Variants in SCN10A observed in about 807,000 individuals in gnomAD.
The protein encoded by SCN10A is sodium channel protein type 10 subunit alpha.
SCN10A carries 162 observed loss-of-function variants against 170.7 expected under a neutral mutation model. The observed-to-expected ratio is 0.95, with a 90% CI of 0.84 to 1.08. SCN10A has a LOEUF of 1.08. Ranked by LOEUF, SCN10A falls within the 50% of genes least tolerant of loss-of-function variation. The pLI is 0.00. For missense variants in SCN10A, 2,527 were observed against 2,436.9 expected, an observed-to-expected ratio of 1.04 and a Z score of -0.78; for synonymous variants, 985 against 904.6, an observed-to-expected ratio of 1.09 and a Z score of -1.59.
At chr3:38,797,833 C>G (rs1463167405) in intron 1 of SCN10A, among the ~76,000 whole-genome samples, 1 of 152,210 alleles carries the variant, frequency 6.6e-6, no homozygotes, top group Non-Finnish European at 1.5e-5. Flanking sequence ...GAGGTCAAAG[C>G]AGACTCAGCT....
chr3:38,734,852 A>T (rs985552352), intron 15 of SCN10A, among the ~76,000 whole-genome samples: 2 of 152,206 alleles, frequency 1.3e-5, no homozygotes, highest in African/African-American at 4.8e-5. Flanking sequence ...TAGTAAAAAG[A>T]ACCTAATGGC....
At position 38,789,155 on chromosome 3, in the gene SCN10A, T is replaced by C. The variant is rs1575180493; in HGVS notation, c.390-119A>G. ...CTTAGCCAATATTAGCTTTATGATCTTGTCACATAATAACCACTAACATTT... is the reference window on the plus strand; with the variant it reads ...CTTAGCCAATATTAGCTTTATGATCCTGTCACATAATAACCACTAACATTT... On this transcript the variant is annotated intron_variant, in intron 3 of 27. Transcript: ENST00000449082. 3 of 684,054 alleles carry C rather than the reference T, an allele frequency of 4.4e-6. No individual in the cohort carries two copies. The East Asian group carries it at 8.1e-5, about 18-fold the overall frequency. 42.4% of individuals were successfully genotyped at this position (684,054 alleles called of 1,614,324 possible).
At chr3:38,773,572 G>A (rs1257725067) in intron 4 of SCN10A, among the ~76,000 whole-genome samples, 1 of 152,036 alleles carries the variant, frequency 6.6e-6, no homozygotes, top group Non-Finnish European at 1.5e-5. Flanking sequence ...GAAGAGTTTG[G>A]GAACAAATTA....
chr3:38,754,554 C>A (rs779958907), intron 11 of SCN10A, among the ~76,000 whole-genome samples: 2 of 152,176 alleles, frequency 1.3e-5, no homozygotes, highest in African/African-American at 2.4e-5. Context: ...GAAATTAAAG[C>A]CCAATTCAGT....
At chr3:38,785,035 A>G (rs1402754418) in intron 4 of SCN10A, among the ~76,000 whole-genome samples, 1 of 152,222 alleles carries the variant, frequency 6.6e-6, no homozygotes, top group Non-Finnish European at 1.5e-5. Flanking sequence ...AAAAATCAAT[A>G]TTGTGAAAAT....
intron 7 of SCN10A, 131 bp from the exon 8 acceptor site, chr3:38,760,878 C>G (rs1315872123): frequency 1.4e-6 from 1 of 710,912 alleles, no homozygotes; most frequent in Non-Finnish European, 2.4e-6. Flanking sequence ...AGTGGGCATG[C>G]TGGGCCACAT....
intron 13 of SCN10A, among the ~76,000 whole-genome samples, chr3:38,744,784 C>T (rs1252849134): frequency 1.3e-5 from 2 of 151,908 alleles, no homozygotes; most frequent in African/African-American, 4.8e-5. Flanking sequence ...TTCATTTTCC[C>T]AAGATTTGAA....
At chr3:38,740,937 C>G (rs933252078) in intron 14 of SCN10A, among the ~76,000 whole-genome samples, 21 of 152,106 alleles carry the variant, frequency 1.4e-4, no homozygotes, top group African/African-American at 4.8e-4. Context: ...TGGGAATAAG[C>G]ATTCTCTTCT....
Position 38,811,128 on chromosome 3 carries a change from T to C in SCN10A, c.-33+4909A>G, listed in dbSNP as rs139098116. Among the ~76,000 whole-genome samples the C allele has an allele frequency of 2.2e-3, 328 of 152,304 alleles. 3 individuals carry two copies. The highest frequency in any genetic ancestry group is 7.3e-3 in the African/African-American group (303 of 41,564). On this transcript the variant is annotated intron_variant, in intron 1 of 27. Coordinates refer to ENST00000449082, the MANE Select transcript of SCN10A (RefSeq NM_006514.4). ...GAAGATTACTTAACTCCTGTGTGCC[T>C]TAGTTTTCTCATCTACAAAATAATC...
At chr3:38,804,867 C>T (rs1347227219) in intron 1 of SCN10A, among the ~76,000 whole-genome samples, 4 of 152,026 alleles carry the variant, frequency 2.6e-5, no homozygotes, top group South Asian at 2.1e-4. Context: ...TACAAAGATG[C>T]GGTAGCCAAA....
intron 15 of SCN10A, among the ~76,000 whole-genome samples, chr3:38,738,212 G>A (rs2063591852): frequency 6.6e-6 from 1 of 152,102 alleles, no homozygotes; most frequent in African/African-American, 2.4e-5. Context: ...GATTACAGGT[G>A]TGAGCCACTG....
rs546130204 is a variant in SCN10A, at chr3:38,727,365, C to A, written c.2641-313G>T. Among the ~76,000 whole-genome samples, 3 of 152,352 alleles carry A rather than the reference C, an allele frequency of 2.0e-5. No homozygotes were observed. In the East Asian group the frequency reaches 5.8e-4, roughly 29 times the overall value. ...GGCACCAGCCCTTCCTGCAACCACCCTCATGTGCCAAAGCCCTGGGCTCTG... is the reference window on the plus strand; with the variant it reads ...GGCACCAGCCCTTCCTGCAACCACCATCATGTGCCAAAGCCCTGGGCTCTG... On this transcript the variant is annotated intron_variant, in intron 16 of 27. Transcript: ENST00000449082.
At chr3:38,743,542 CT>C (rs2063656549) in intron 13 of SCN10A, among the ~76,000 whole-genome samples, 1 of 152,156 alleles carries the variant, frequency 6.6e-6, no homozygotes, top group African/African-American at 2.4e-5. Context: ...TCTGCAGCCC[CT>C]GGAATCTGAC....
chr3:38,737,212 C>T (rs1336570107), intron 15 of SCN10A, among the ~76,000 whole-genome samples: 2 of 151,738 alleles, frequency 1.3e-5, no homozygotes, highest in East Asian at 1.9e-4. Context: ...CCTTGTGATC[C>T]GCCTGCCTCG....
rs200714519 is a variant in SCN10A at position 38,752,440 on chromosome 3, G to A, written c.1534C>T (p.Arg512Ter). 81 of 1,612,932 alleles carry A rather than the reference G, an allele frequency of 5.0e-5. No individual in the cohort carries two copies. The highest frequency in any genetic ancestry group is 1.7e-4 in the Middle Eastern group (1 of 6,058). Residue 512 changes from arginine to a stop codon, truncating the protein, a stop_gained, in exon 12 of 28, where the codon CGA becomes TGA. Coordinates refer to ENST00000449082, the MANE Select transcript of SCN10A (RefSeq NM_006514.4). LOFTEE classifies it high-confidence loss of function. ...ACTCCCTCAGGGAGTGAGATATCTCGGCCAGGGGACCGGAAATGGAACACA... is the reference window on the plus strand; with the variant it reads ...ACTCCCTCAGGGAGTGAGATATCTCAGCCAGGGGACCGGAAATGGAACACA... ...GSVFHFRSPG[R>*]DISLPEGVTD...
At position 38,712,414 on chromosome 3, in the gene SCN10A, G is replaced by T. The variant is rs771215781; in HGVS notation, c.3836C>A (p.Pro1279Gln). ...GACGAGGAGGACATTCATGATGGATGGGATGGCGCCCACCAGGGCATCCAC... is the reference window on the plus strand; with the variant it reads ...GACGAGGAGGACATTCATGATGGATTGGATGGCGCCCACCAGGGCATCCAC... ...VVVDALVGAI[P>Q]SIMNVLLVCL... Residue 1279 changes from proline (P) to glutamine (Q), a missense_variant, in exon 23 of 28, where the codon CCA (proline) becomes CAA (glutamine). Transcript: ENST00000449082. 1.2e-6 allele frequency: 2 copies of T among 1,614,034 alleles called. No individual in the cohort carries two copies. The highest frequency in any genetic ancestry group is 2.2e-5 in the South Asian group (2 of 91,076).
At chr3:38,718,966 G>T in intron 20 of SCN10A, 140 bp from the exon 21 acceptor site, 1 of 745,586 alleles carries the variant, frequency 1.3e-6, no homozygotes, top group Non-Finnish European at 2.1e-6. Flanking sequence ...GTAGCATTTT[G>T]TTTGCTGTGG....
At position 38,782,786 on chromosome 3, in the gene SCN10A, ATTATTGGGTTTT is replaced by A. The variant is rs1294158175; in HGVS notation, c.470+6158_470+6169del. On this transcript the variant is annotated intron_variant, in intron 4 of 27. Coordinates refer to ENST00000449082, the MANE Select transcript of SCN10A (RefSeq NM_006514.4). ...TTGCAATGGTCATTTATTTTAAAAAATTATTGGGTTTTTATTATGATATGTAACATGCATAAT... is the reference window on the plus strand; with the variant it reads ...TTGCAATGGTCATTTATTTTAAAAAATATTATGATATGTAACATGCATAAT... 8.5e-5 allele frequency among the ~76,000 whole-genome samples: 13 copies of A among 152,108 alleles called. 1 individual carries two copies. The highest frequency in any genetic ancestry group is 1.0e-4 in the Non-Finnish European group (7 of 67,988).
At chr3:38,737,439 G>A (rs1424761238) in intron 15 of SCN10A, among the ~76,000 whole-genome samples, 2 of 152,090 alleles carry the variant, frequency 1.3e-5, no homozygotes, top group African/African-American at 4.8e-5. Context: ...CTAAAAATGT[G>A]ATTTAATTCT....
Sources: gnomAD v4.1 joint callset for allele counts (sites outside exome capture counted in the v4.1 genomes callset) on GRCh38, gnomAD v4.1.1 for gene constraint, MANE v1.5 for transcripts, NCBI Gene and HGNC (gene_info 2026-07-23, HGNC 2026-07-21) for gene names.